Variants in TENM3 observed in about 807,000 individuals in gnomAD.
TENM3 encodes the protein teneurin transmembrane protein 3, also known as teneurin-3.
TENM3 carries 63 observed loss-of-function variants against 255.1 expected under a neutral mutation model. That is an observed-to-expected ratio of 0.25 (90% CI 0.20 to 0.30). The LOEUF is 0.30. TENM3 is among the 10% of genes least tolerant of loss of function. The pLI, the probability that TENM3 is intolerant of heterozygous loss-of-function variation, is 1.00. For synonymous variants in TENM3, 1,306 were observed against 1,322.3 expected, an observed-to-expected ratio of 0.99 and a Z score of 0.27; for missense variants, 2,929 against 3,461.1, an observed-to-expected ratio of 0.85 and a Z score of 3.86.
intron 1 of TENM3, among the ~76,000 whole-genome samples, chr4:182,148,532 C>G (rs527480974): frequency 5.3e-5 from 8 of 152,024 alleles, no homozygotes; most frequent in Admixed American, 2.0e-4. Context: ...GATTTTATGG[C>G]CTTTTGAGTC....
intron 6 of TENM3, among the ~76,000 whole-genome samples, chr4:182,664,360 A>T (rs1449444278): frequency 6.6e-6 from 1 of 152,224 alleles, no homozygotes; most frequent in African/African-American, 2.4e-5. Flanking sequence ...CACATAAGAC[A>T]GCGAACTTAA....
the TENM3 span, among the ~76,000 whole-genome samples, chr4:182,113,669 G>A: frequency 2.0e-5 from 3 of 152,078 alleles, no homozygotes; most frequent in Non-Finnish European, 4.4e-5. Context: ...TTACAAATAC[G>A]AGCAAATGTG....
chr4:181,592,256 A>AACACACACACACAC, the TENM3 span, among the ~76,000 whole-genome samples: 1,042 of 148,400 alleles, frequency 7.0e-3, 13 homozygotes, highest in African/African-American at 0.02. Flanking sequence ...TTTAAACACA[A>AACACACACACACAC]ACACACACAC....
chr4:182,487,536 C>G (rs1341937462), intron 3 of TENM3, among the ~76,000 whole-genome samples: 1 of 151,858 alleles, frequency 6.6e-6, no homozygotes, highest in Non-Finnish European at 1.5e-5. Flanking sequence ...TTAAGTATAC[C>G]ACTGAAAATA....
chr4:181,919,065 A>T, the TENM3 span, among the ~76,000 whole-genome samples: 1 of 152,158 alleles, frequency 6.6e-6, no homozygotes, highest in Non-Finnish European at 1.5e-5. Context: ...AAGGTATGAA[A>T]CAGACATTGA....
chr4:181,549,423 A>G, the TENM3 span, among the ~76,000 whole-genome samples: 1 of 152,186 alleles, frequency 6.6e-6, no homozygotes, highest in Non-Finnish European at 1.5e-5. Context: ...GCTTCTTTAA[A>G]TAAGGTTTCT....
the TENM3 span, among the ~76,000 whole-genome samples, chr4:181,571,324 ATTATT>A: frequency 2.6e-5 from 4 of 152,060 alleles, no homozygotes; most frequent in African/African-American, 9.7e-5. Context: ...GATTGTTTTA[ATTATT>A]TTATTTTATC....
At chr4:181,898,187 G>A in the TENM3 span, among the ~76,000 whole-genome samples, 1 of 152,036 alleles carries the variant, frequency 6.6e-6, no homozygotes, top group Admixed American at 6.6e-5. Flanking sequence ...AAATACTTTA[G>A]TGGTACTTCA....
intron 3 of TENM3, among the ~76,000 whole-genome samples, chr4:182,506,015 G>A (rs1284228506): frequency 1.3e-5 from 2 of 152,190 alleles, no homozygotes; most frequent in Non-Finnish European, 2.9e-5. Flanking sequence ...AATGTTACAA[G>A]TGGAGGGGAC....
At chr4:182,005,273 A>T in the TENM3 span, among the ~76,000 whole-genome samples, 1 of 152,196 alleles carries the variant, frequency 6.6e-6, no homozygotes, top group Non-Finnish European at 1.5e-5. Flanking sequence ...GTCCGGTTTC[A>T]GTTTTCTGCA....
At chr4:182,735,926 T>G (rs1198114100) in intron 16 of TENM3, among the ~76,000 whole-genome samples, 2 of 152,212 alleles carry the variant, frequency 1.3e-5, no homozygotes, top group South Asian at 4.1e-4. Flanking sequence ...GAGTATAATT[T>G]TTTTTAATTT....
the TENM3 span, among the ~76,000 whole-genome samples, chr4:181,586,578 A>G: frequency 4.7e-4 from 72 of 152,252 alleles, no homozygotes; most frequent in African/African-American, 1.4e-3. Flanking sequence ...GCGGTGGCTC[A>G]CACCTGTAAT....
chr4:181,529,852 A>G, the TENM3 span, among the ~76,000 whole-genome samples: 156 of 152,262 alleles, frequency 1.0e-3, no homozygotes, highest in Non-Finnish European at 1.9e-3. Flanking sequence ...ATTGGACTGA[A>G]CTCTTTGATG....
chr4:182,283,529 A>G (rs537968503), intron 1 of TENM3, among the ~76,000 whole-genome samples: 3 of 152,308 alleles, frequency 2.0e-5, no homozygotes, highest in South Asian at 2.1e-4. Flanking sequence ...ACTTTCTAGG[A>G]TAAAGATATA....
intron 3 of TENM3, among the ~76,000 whole-genome samples, chr4:182,357,188 G>C (rs1376378533): frequency 6.6e-6 from 1 of 151,970 alleles, no homozygotes; most frequent in Non-Finnish European, 1.5e-5. Context: ...ACGTGTGCAT[G>C]TGTCTTTATA....
At chr4:181,770,483 G>A in the TENM3 span, among the ~76,000 whole-genome samples, 1 of 151,922 alleles carries the variant, frequency 6.6e-6, no homozygotes, top group Non-Finnish European at 1.5e-5. Context: ...GACCATCCTG[G>A]CTAACAGGGT....
intron 3 of TENM3, among the ~76,000 whole-genome samples, chr4:182,599,321 A>G (rs1747596991): frequency 6.6e-6 from 1 of 152,170 alleles, no homozygotes; most frequent in East Asian, 1.9e-4. Context: ...AGACAATCAT[A>G]ATTTTTCATG....
the TENM3 span, among the ~76,000 whole-genome samples, chr4:181,981,199 C>T: frequency 6.6e-6 from 1 of 152,088 alleles, no homozygotes; most frequent in African/African-American, 2.4e-5. Context: ...CTACAGCTGA[C>T]GGGCTGTCTC....
At chr4:182,656,911 T>C (rs1347971024) in intron 6 of TENM3, among the ~76,000 whole-genome samples, 1 of 152,202 alleles carries the variant, frequency 6.6e-6, no homozygotes, top group Non-Finnish European at 1.5e-5. Flanking sequence ...TCCTGAGACC[T>C]TCTTTGCCTA....
Sources: allele counts gnomAD v4.1 joint callset (sites outside exome capture counted in the v4.1 genomes callset), GRCh38; gene constraint gnomAD v4.1.1; transcripts MANE v1.5; gene names NCBI Gene and HGNC (gene_info 2026-07-23, HGNC 2026-07-21).